GPR158: variants seen among roughly 807,000 people sequenced by gnomAD.
The protein encoded by GPR158 is G protein-coupled receptor 158.
In GPR158, 30 loss-of-function variants were observed where a neutral mutation model predicts 78.2. The observed-to-expected ratio is 0.38, with a 90% confidence interval of 0.29 to 0.52. The LOEUF (loss-of-function observed/expected upper bound fraction) is 0.52. Ranked by LOEUF, GPR158 falls within the 20% of genes least tolerant of loss-of-function variation. The pLI is 0.83. For synonymous variants in GPR158, 581 were observed against 591.1 expected (o/e 0.98, Z 0.25); for missense variants, 1,463 against 1,523.5 (o/e 0.96, Z 0.66).
intron 5 of GPR158, among the ~76,000 whole-genome samples, chr10:25,504,610 A>G (rs531028554): frequency 6.6e-6 from 1 of 152,250 alleles, no homozygotes; most frequent in East Asian, 1.9e-4. Context: ...CACTGGGTCT[A>G]CTTTCCCGGA....
chr10:25,534,424 G>C (rs1387853737), intron 5 of GPR158, among the ~76,000 whole-genome samples: 2 of 152,052 alleles, frequency 1.3e-5, no homozygotes, highest in African/African-American at 4.8e-5. Flanking sequence ...CAGATTACTT[G>C]AGGTCAGTTC....
chr10:25,440,043 T>C (rs543763528), intron 4 of GPR158, among the ~76,000 whole-genome samples: 17 of 152,316 alleles, frequency 1.1e-4, no homozygotes, highest in African/African-American at 3.6e-4. Flanking sequence ...TCCACACACC[T>C]GTAATTATAT....
At chr10:25,252,547 C>A (rs1853820259) in intron 2 of GPR158, among the ~76,000 whole-genome samples, 2 of 150,634 alleles carry the variant, frequency 1.3e-5, no homozygotes, top group African/African-American at 4.8e-5. Context: ...GGACCCTCAG[C>A]TGCAGGTCTG....
At chr10:25,545,226 A>G (rs1197351502) in intron 5 of GPR158, among the ~76,000 whole-genome samples, 3 of 152,206 alleles carry the variant, frequency 2.0e-5, no homozygotes, top group African/African-American at 7.2e-5. Context: ...ATACCCAGTA[A>G]TGGGATTGCT....
chr10:25,267,589 A>G (rs1172985316), intron 2 of GPR158, among the ~76,000 whole-genome samples: 2 of 152,142 alleles, frequency 1.3e-5, no homozygotes, highest in Non-Finnish European at 2.9e-5. Flanking sequence ...ATAGGGTAGT[A>G]TGTTATTTTT....
intron 3 of GPR158, among the ~76,000 whole-genome samples, chr10:25,404,428 C>T (rs1834485814): frequency 6.6e-6 from 1 of 152,014 alleles, no homozygotes. Flanking sequence ...ATTTATTTTC[C>T]AACAAGTTGC....
intron 9 of GPR158, 39 bp from the exon 10 acceptor site, chr10:25,596,604 G>A (rs368597959): frequency 3.7e-5 from 57 of 1,547,110 alleles, no homozygotes; most frequent in Non-Finnish European, 4.8e-5. Context: ...ATGCGTTACA[G>A]TGAGCTAATG....
intron 2 of GPR158, among the ~76,000 whole-genome samples, chr10:25,328,925 C>T (rs1326595703): frequency 3.8e-3 from 36 of 9,504 alleles, no homozygotes; most frequent in African/African-American, 0.03. Flanking sequence ...GAAACTTCAT[C>T]ACAAAAAAAA....
chr10:25,355,544 A>T (rs1334533687), intron 2 of GPR158, among the ~76,000 whole-genome samples: 1 of 152,042 alleles, frequency 6.6e-6, no homozygotes, highest in Non-Finnish European at 1.5e-5. Flanking sequence ...TGAGGAGGTC[A>T]TGGTTCCCTG....
intron 7 of GPR158, among the ~76,000 whole-genome samples, chr10:25,574,022 G>C (rs760340394): frequency 1.3e-5 from 2 of 151,586 alleles, no homozygotes; most frequent in Non-Finnish European, 2.9e-5. Context: ...AAATTGTATA[G>C]ATAAAAAATT....
intron 2 of GPR158, among the ~76,000 whole-genome samples, chr10:25,316,579 A>G (rs1276768977): frequency 1.3e-5 from 2 of 152,138 alleles, no homozygotes; most frequent in East Asian, 3.8e-4. Context: ...ATTGATTTTC[A>G]TGTCGTGTTT....
chr10:25,263,582 A>G (rs1007255038), intron 2 of GPR158, among the ~76,000 whole-genome samples: 2 of 152,178 alleles, frequency 1.3e-5, no homozygotes, highest in African/African-American at 2.4e-5. Context: ...CTATTTAAAA[A>G]AAATCTGCTG....
chr10:25,487,072 T>C (rs764354483), intron 5 of GPR158, among the ~76,000 whole-genome samples: 9 of 152,218 alleles, frequency 5.9e-5, no homozygotes, highest in Non-Finnish European at 1.2e-4. Flanking sequence ...GGAATCACGA[T>C]ATAACAGATT....
chr10:25,375,388 A>G (rs1299977596), intron 2 of GPR158, among the ~76,000 whole-genome samples: 1 of 151,364 alleles, frequency 6.6e-6, no homozygotes, highest in South Asian at 2.1e-4. Context: ...CCAATTTTTA[A>G]TTTTTTTCTT....
At chr10:25,561,484 A>G (rs1836859945) in intron 6 of GPR158, among the ~76,000 whole-genome samples, 1 of 152,174 alleles carries the variant, frequency 6.6e-6, no homozygotes, top group African/African-American at 2.4e-5. Flanking sequence ...CCATCTGCTT[A>G]TTGTTTGAAA....
chr10:25,524,689 G>T (rs1836325745), intron 5 of GPR158, among the ~76,000 whole-genome samples: 1 of 152,088 alleles, frequency 6.6e-6, no homozygotes, highest in African/African-American at 2.4e-5. Flanking sequence ...ACTTTTAGAA[G>T]GAAACATAGA....
At chr10:25,453,110 TA>T (rs1413907920) in intron 4 of GPR158, among the ~76,000 whole-genome samples, 3 of 152,204 alleles carry the variant, frequency 2.0e-5, no homozygotes, top group Non-Finnish European at 4.4e-5. Flanking sequence ...CCACATTTTC[TA>T]TATCCATGTA....
chr10:25,344,794 T>C (rs1855350711), intron 2 of GPR158, among the ~76,000 whole-genome samples: 1 of 151,940 alleles, frequency 6.6e-6, no homozygotes, highest in African/African-American at 2.4e-5. Context: ...TACCACAGAC[T>C]GGGTAGCTTA....
At chr10:25,336,284 T>C (rs915049865) in intron 2 of GPR158, among the ~76,000 whole-genome samples, 36 of 152,020 alleles carry the variant, frequency 2.4e-4, no homozygotes, top group Admixed American at 2.2e-3. Flanking sequence ...AGATACATAA[T>C]AGAAAAAAAG....
Sources: gnomAD v4.1 joint callset for allele counts (sites outside exome capture counted in the v4.1 genomes callset) on GRCh38, gnomAD v4.1.1 for gene constraint, MANE v1.5 for transcripts, NCBI Gene and HGNC (gene_info 2026-07-23, HGNC 2026-07-21) for gene names.